LOC112694756: variants seen among roughly 807,000 people sequenced by gnomAD.
chr16:30,067,898 G>A, the LOC112694756 span: 2 of 577,398 alleles, frequency 3.5e-6, no homozygotes, highest in Non-Finnish European at 6.2e-6. Flanking sequence ...TTTGCTCAGA[G>A]TAAGTGGCAG....
chr16:30,066,899 T>C, the LOC112694756 span: 76 of 1,549,884 alleles, frequency 4.9e-5, no homozygotes, highest in Middle Eastern at 5.0e-4. Context: ...GGTGACCCCA[T>C]GGCAAGGCGC....
chr16:30,057,942 A>G, the LOC112694756 span, among the ~76,000 whole-genome samples: 18 of 151,924 alleles, frequency 1.2e-4, no homozygotes, highest in Admixed American at 1.0e-3. Flanking sequence ...AAAAAAAAAA[A>G]CCAAAGCAAA....
the LOC112694756 span, among the ~76,000 whole-genome samples, chr16:30,061,909 TAAA>T: frequency 4.4e-4 from 66 of 151,640 alleles, 1 homozygote; most frequent in East Asian, 6.7e-3. Flanking sequence ...TTCTGGTAAT[TAAA>T]AAATATAAGG....
the LOC112694756 span, among the ~76,000 whole-genome samples, chr16:30,057,752 A>G: frequency 2.6e-5 from 4 of 152,074 alleles, no homozygotes; most frequent in Non-Finnish European, 5.9e-5. Flanking sequence ...CAGAAGGGCA[A>G]AAGGAGGAGA....
At chr16:30,059,789 C>T in the LOC112694756 span, among the ~76,000 whole-genome samples, 1 of 151,164 alleles carries the variant, frequency 6.6e-6, no homozygotes, top group Non-Finnish European at 1.5e-5. Context: ...TCTTGAATTC[C>T]TGACCTCAGG....
At chr16:30,064,023 G>A in the LOC112694756 span, 3 of 398,700 alleles carry the variant, frequency 7.5e-6, 1 homozygote, top group South Asian at 2.5e-4. Flanking sequence ...TTGGCCGGCT[G>A]GACGGCAGCT....
At chr16:30,058,357 A>G in the LOC112694756 span, among the ~76,000 whole-genome samples, 1 of 152,194 alleles carries the variant, frequency 6.6e-6, no homozygotes, top group East Asian at 1.9e-4. Flanking sequence ...AGCTGTAGAC[A>G]CTGAGGCTTA....
the LOC112694756 span, chr16:30,067,419 T>G: frequency 6.2e-7 from 1 of 1,613,590 alleles, no homozygotes; most frequent in Non-Finnish European, 8.5e-7. Context: ...AGTGGCAGGC[T>G]GATCCCCTAA....
At chr16:30,067,822 T>C in the LOC112694756 span, 1 of 792,630 alleles carries the variant, frequency 1.3e-6, no homozygotes, top group Non-Finnish European at 2.1e-6. Flanking sequence ...TCCTCACAAT[T>C]CTGAGAGAAC....
the LOC112694756 span, among the ~76,000 whole-genome samples, chr16:30,058,699 G>T: frequency 6.6e-6 from 1 of 151,868 alleles, no homozygotes; most frequent in South Asian, 2.1e-4. Context: ...AGCCAGGATG[G>T]TCTTGATCTC....
the LOC112694756 span, chr16:30,068,657 C>T: frequency 6.0e-5 from 97 of 1,614,072 alleles, 1 homozygote; most frequent in South Asian, 3.5e-4. Context: ...TAGACAAGGG[C>T]GTGGTCCCCC....
chr16:30,069,940 C>A, the LOC112694756 span: 1 of 1,614,046 alleles, frequency 6.2e-7, no homozygotes, highest in Non-Finnish European at 8.5e-7. Flanking sequence ...CTCCTACGGC[C>A]GAGCCCTGCA....
At chr16:30,053,955 G>A in the LOC112694756 span, among the ~76,000 whole-genome samples, 3 of 152,090 alleles carry the variant, frequency 2.0e-5, no homozygotes, top group African/African-American at 4.8e-5. Context: ...TTAAGCCCAG[G>A]AGCTCGAGGC....
At chr16:30,066,732 G>A in the LOC112694756 span, among the ~76,000 whole-genome samples, 1 of 152,206 alleles carries the variant, frequency 6.6e-6, no homozygotes, top group Non-Finnish European at 1.5e-5. Flanking sequence ...CAGAAGAGCT[G>A]GGTTCTAATC....
chr16:30,067,644 G>T, the LOC112694756 span: 5 of 1,614,152 alleles, frequency 3.1e-6, no homozygotes, highest in Non-Finnish European at 4.2e-6. Context: ...ATCCAAGGGC[G>T]GTGTTGTGGG....
chr16:30,059,274 G>C, the LOC112694756 span, among the ~76,000 whole-genome samples: 1 of 151,984 alleles, frequency 6.6e-6, no homozygotes, highest in Admixed American at 6.6e-5. Context: ...AAGGCGGGCA[G>C]ATCACAAGGT....
At chr16:30,065,128 G>T in the LOC112694756 span, among the ~76,000 whole-genome samples, 18 of 152,332 alleles carry the variant, frequency 1.2e-4, no homozygotes, top group African/African-American at 3.8e-4. Flanking sequence ...CTGCCAGCCT[G>T]GAACTCGGAT....
the LOC112694756 span, chr16:30,068,062 ATTTTTTTTT>A: frequency 5.7e-6 from 1 of 176,508 alleles, no homozygotes; most frequent in African/African-American, 2.8e-5. Context: ...TTTTAAGTAA[ATTTTTTTTT>A]TTTTTTTTTT....
the LOC112694756 span, among the ~76,000 whole-genome samples, chr16:30,059,655 C>T: frequency 1.3e-5 from 2 of 149,684 alleles, no homozygotes; most frequent in South Asian, 4.3e-4. Flanking sequence ...CTCCGTCCCC[C>T]AGGTTCGAGT....
Sources: gnomAD v4.1 joint callset for allele counts (sites outside exome capture counted in the v4.1 genomes callset) on GRCh38, gnomAD v4.1.1 for gene constraint, MANE v1.5 for transcripts.